PAX5: variants seen among roughly 807,000 people sequenced by gnomAD.
PAX5 encodes the protein paired box 5, also known as paired box protein Pax-5.
A neutral mutation model predicts 43.7 loss-of-function variants in PAX5; 9 were observed. That is an observed-to-expected ratio of 0.21 (90% CI 0.12 to 0.36). The LOEUF (loss-of-function observed/expected upper bound fraction) is 0.36, where lower values mean the gene tolerates loss of function less well. Among genes scored for constraint, PAX5 ranks in the 10% least tolerant of loss-of-function variants. The probability of loss-of-function intolerance (pLI) is 1.00; values close to 1 mark genes in which losing one functional copy is unlikely to be tolerated. For synonymous variants in PAX5, 228 were observed against 214.3 expected, an observed-to-expected ratio of 1.06 and a Z score of -0.56; for missense variants, 383 against 532.7, an observed-to-expected ratio of 0.72 and a Z score of 2.77.
chr9:37,011,115 T>C (rs1259041469), intron 3 of PAX5, among the ~76,000 whole-genome samples: 1 of 139,840 alleles, frequency 7.2e-6, no homozygotes, highest in Non-Finnish European at 1.5e-5. Flanking sequence ...AGTGAGACCC[T>C]GTCTCAAAAA....
chr9:36,958,442 G>A (rs1833679156), intron 6 of PAX5, among the ~76,000 whole-genome samples: 1 of 151,990 alleles, frequency 6.6e-6, no homozygotes, highest in Admixed American at 6.6e-5. Context: ...GAACTACGGG[G>A]GCCTGGCTGG....
intron 6 of PAX5, among the ~76,000 whole-genome samples, chr9:36,934,438 T>C (rs1831382387): frequency 6.6e-6 from 1 of 152,252 alleles, no homozygotes; most frequent in Admixed American, 6.5e-5. Flanking sequence ...TCTATCAGTG[T>C]CAATTTATTG....
At chr9:36,877,076 C>T (rs987802534) in intron 8 of PAX5, among the ~76,000 whole-genome samples, 1 of 152,208 alleles carries the variant, frequency 6.6e-6, no homozygotes, top group African/African-American at 2.4e-5. Context: ...GTGGCTCATG[C>T]CTGTAATCCC....
intron 8 of PAX5, among the ~76,000 whole-genome samples, chr9:36,865,344 T>C (rs1420471817): frequency 6.6e-6 from 1 of 152,210 alleles, no homozygotes; most frequent in East Asian, 1.9e-4. Context: ...CTAGCAATCC[T>C]GCAGAACCTC....
At chr9:36,895,540 G>A (rs1364736325) in intron 7 of PAX5, among the ~76,000 whole-genome samples, 1 of 152,172 alleles carries the variant, frequency 6.6e-6, no homozygotes, top group African/African-American at 2.4e-5. Context: ...ATAAAATGGG[G>A]ATAATGATAC....
At chr9:37,025,937 C>G (rs1428187748) in intron 1 of PAX5, among the ~76,000 whole-genome samples, 1 of 152,150 alleles carries the variant, frequency 6.6e-6, no homozygotes, top group Admixed American at 6.5e-5. Flanking sequence ...ATGAACTGGC[C>G]GGCTCCTAAG....
At position 36,838,304 on chromosome 9, in the gene PAX5, C is replaced by A. The variant is rs41311422; in HGVS notation, c.*2256G>T. On this transcript the variant is annotated 3_prime_UTR_variant, in exon 10 of 10. Coordinates refer to ENST00000358127, the MANE Select transcript of PAX5 (RefSeq NM_016734.3). Reference sequence around the variant, plus strand: ...ATTGTCTAGGGCATGGGGCCCAGAACCATCTCTCACTGCTCTTACTGTCAA... The same window carrying A: ...ATTGTCTAGGGCATGGGGCCCAGAAACATCTCTCACTGCTCTTACTGTCAA... The A allele has an allele frequency of 0.043, 9,920 of 232,486 alleles. 286 individuals are homozygous for A. Among genetic ancestry groups the A allele is most frequent in the Middle Eastern group, 0.059 (46 of 778 alleles). The allele number at this position is 232,486 out of a possible 1,614,324, so 14.4% of individuals were successfully genotyped here. A position where few individuals can be genotyped will look rare whatever the true frequency, so the allele number is the denominator to read the frequency against.
intron 1 of PAX5, among the ~76,000 whole-genome samples, chr9:37,029,484 C>T (rs1840752715): frequency 2.0e-5 from 3 of 152,242 alleles, no homozygotes; most frequent in African/African-American, 7.2e-5. Context: ...GCGGCGTTAT[C>T]TCTTCTTTGT....
rs1821428747 is a variant in PAX5 at position 36,833,573 on chromosome 9, T to C, written c.*6987A>G. 4.3e-6 allele frequency: 1 copy of C among 232,750 alleles called. No individual in the cohort carries two copies. Among genetic ancestry groups the C allele is most frequent in the African/African-American group, 2.2e-5 (1 of 45,240 alleles). 14.4% of individuals were successfully genotyped at this position (232,750 alleles called of 1,614,324 possible). Reference sequence around the variant, plus strand: ...AACCCCACCCCTGTTTTCTCCCAAGTCCCACCCCTAGCCCTGCCCTCCTCC... The same window carrying C: ...AACCCCACCCCTGTTTTCTCCCAAGCCCCACCCCTAGCCCTGCCCTCCTCC... On this transcript the variant is annotated 3_prime_UTR_variant, in exon 10 of 10. Transcript: ENST00000358127.
chr9:36,909,058 C>T (rs767529650), intron 7 of PAX5, among the ~76,000 whole-genome samples: 14 of 152,116 alleles, frequency 9.2e-5, no homozygotes, highest in Non-Finnish European at 1.6e-4. Context: ...TTAAAATGAT[C>T]GGACCTCTGG....
chr9:37,002,181 C>A (rs1455623756), intron 5 of PAX5, among the ~76,000 whole-genome samples: 1 of 152,182 alleles, frequency 6.6e-6, no homozygotes, highest in Non-Finnish European at 1.5e-5. Context: ...TCTGCTGAGA[C>A]GTGTGCAGGG....
chr9:36,983,221 G>A (rs1225466256), intron 5 of PAX5, among the ~76,000 whole-genome samples: 1 of 152,128 alleles, frequency 6.6e-6, no homozygotes, highest in African/African-American at 2.4e-5. Flanking sequence ...GGAAGATTAC[G>A]CTTTGCTTTG....
At chr9:36,942,617 T>C (rs1430755408) in intron 6 of PAX5, among the ~76,000 whole-genome samples, 1 of 152,268 alleles carries the variant, frequency 6.6e-6, no homozygotes, top group Non-Finnish European at 1.5e-5. Flanking sequence ...ACAGCTTTCA[T>C]ACTGGGCTTT....
chr9:36,908,643 A>G (rs1375612730), intron 7 of PAX5, among the ~76,000 whole-genome samples: 1 of 152,198 alleles, frequency 6.6e-6, no homozygotes, highest in Non-Finnish European at 1.5e-5. Flanking sequence ...CCAGACAATG[A>G]CAAGGCAGTG....
chr9:36,966,494 T>C (rs1834446024), intron 6 of PAX5, 55 bp downstream of exon 6: 1 of 1,579,570 alleles, frequency 6.3e-7, no homozygotes, highest in Non-Finnish European at 8.6e-7. Flanking sequence ...TTCAGGAACC[T>C]GGCTGGGCCG....
intron 3 of PAX5, chr9:37,007,587 G>A (rs1223713748): frequency 1.3e-5 from 2 of 152,138 alleles, no homozygotes; most frequent in Non-Finnish European, 2.9e-5. Flanking sequence ...CTCCTTCCTT[G>A]GCATTTGGGA....
chr9:36,890,269 G>A (rs554251719), intron 7 of PAX5, among the ~76,000 whole-genome samples: 1 of 152,280 alleles, frequency 6.6e-6, no homozygotes, highest in South Asian at 2.1e-4. Flanking sequence ...AAGATGAGAG[G>A]TGGGGGCGGG....
At chr9:36,971,487 G>A (rs1834921909) in intron 5 of PAX5, among the ~76,000 whole-genome samples, 2 of 152,206 alleles carry the variant, frequency 1.3e-5, no homozygotes, top group Admixed American at 1.3e-4. Context: ...TGGTCTTGGA[G>A]GCAGGCTACA....
intron 8 of PAX5, among the ~76,000 whole-genome samples, chr9:36,851,257 C>T: frequency 6.6e-6 from 1 of 152,158 alleles, no homozygotes; most frequent in East Asian, 1.9e-4. Context: ...AGAGCCTCCT[C>T]TGAAAACTAA....
Sources: allele counts gnomAD v4.1 joint callset (sites outside exome capture counted in the v4.1 genomes callset), GRCh38; gene constraint gnomAD v4.1.1; transcripts MANE v1.5; gene names NCBI Gene and HGNC (gene_info 2026-07-23, HGNC 2026-07-21).